Variants in PAQR3 observed in about 807,000 individuals in gnomAD.
The protein encoded by PAQR3 is Raf kinase trapping to Golgi.
PAQR3 carries 39 observed loss-of-function variants against 41.7 expected under a neutral mutation model. That is an observed-to-expected ratio of 0.93 (90% CI 0.72 to 1.22). The LOEUF (loss-of-function observed/expected upper bound fraction) is 1.22. Ranked by LOEUF, PAQR3 falls within the 50% of genes most tolerant of loss-of-function variation. PAQR3 has a pLI of 0.00. For missense variants in PAQR3, 366 were observed against 385.6 expected (o/e 0.95, Z 0.42); for synonymous variants, 140 against 140.6 (o/e 1.00, Z 0.03).
chr4:78,894,173 T>G (rs537471471), intron 11 of PAQR3, among the ~76,000 whole-genome samples: 2 of 152,318 alleles, frequency 1.3e-5, no homozygotes, highest in African/African-American at 4.8e-5. Flanking sequence ...CCTCGAAGTT[T>G]TGGAATGGCA....
chr4:78,899,226 T>C (rs1733872420), intron 11 of PAQR3: 1 of 152,154 alleles, frequency 6.6e-6, no homozygotes, highest in South Asian at 2.1e-4. Context: ...GGGCAGAATA[T>C]ATAGGATTTA....
At chr4:78,929,745 A>AT (rs1282120315) in intron 3 of PAQR3, among the ~76,000 whole-genome samples, 3 of 151,992 alleles carry the variant, frequency 2.0e-5, no homozygotes, top group African/African-American at 4.8e-5. Flanking sequence ...ATTTTCCTGT[A>AT]TTTTTTTTCA....
At chr4:78,899,786 G>A (rs1057346730) in intron 11 of PAQR3, among the ~76,000 whole-genome samples, 2 of 152,086 alleles carry the variant, frequency 1.3e-5, no homozygotes, top group Admixed American at 6.6e-5. Context: ...AAAATAATGC[G>A]GTTGGAATCC....
chr4:78,906,417 G>C (rs556074999), intron 10 of PAQR3, among the ~76,000 whole-genome samples: 37 of 152,204 alleles, frequency 2.4e-4, no homozygotes, highest in African/African-American at 6.3e-4. Context: ...TTCCCCAGTT[G>C]CCCGTACTAT....
intron 1 of PAQR3, among the ~76,000 whole-genome samples, chr4:78,936,198 T>C (rs1737413189): frequency 6.6e-6 from 1 of 152,228 alleles, no homozygotes; most frequent in African/African-American, 2.4e-5. Context: ...GTTCTCCAGA[T>C]GTAGATAGGA....
At position 78,916,458 on chromosome 4, in the gene PAQR3, C is replaced by T. The variant is rs902434204; in HGVS notation, c.*4081G>A. ...TCAGTTATTTCATTCACACCACAAA[C>T]ATTAAGCACCTATTATGTAGCAGCT... On this transcript the variant is annotated 3_prime_UTR_variant, in exon 6 of 6. Transcript: ENST00000512733. 1 of 151,866 alleles carries T rather than the reference C, an allele frequency of 6.6e-6. No homozygotes were observed. Among genetic ancestry groups the T allele is most frequent in the Non-Finnish European group, 1.5e-5 (1 of 67,860 alleles). 9.4% of individuals were successfully genotyped at this position (151,866 alleles called of 1,614,324 possible). A position where few individuals can be genotyped will look rare whatever the true frequency, so the allele number is the denominator to read the frequency against.
At chr4:78,923,094 A>T in intron 5 of PAQR3, 1 of 398,710 alleles carries the variant, frequency 2.5e-6, no homozygotes, top group Admixed American at 3.0e-5. Flanking sequence ...GCCTAAAGCC[A>T]GCTTTGTCAC....
intron 1 of PAQR3, among the ~76,000 whole-genome samples, chr4:78,938,015 G>A (rs1307077259): frequency 6.6e-6 from 1 of 152,216 alleles, no homozygotes. Flanking sequence ...GCCAAGTAGG[G>A]ATGGGCAGTG....
rs1421608557 is a variant in PAQR3 at position 78,914,554 on chromosome 4, G to T, written c.*5985C>A. ...GTCACTCCACACAGCTGATGCTCAG[G>T]TTATTCCCTTGTGAGAATTATGAGA... On this transcript the variant is annotated 3_prime_UTR_variant, in exon 6 of 6. Coordinates refer to ENST00000512733, the MANE Select transcript of PAQR3 (RefSeq NM_001040202.2). 6.6e-6 allele frequency: 1 copy of T among 151,544 alleles called. No homozygotes were observed. The highest frequency in any genetic ancestry group is 1.9e-4 in the East Asian group (1 of 5,164). The allele number at this position is 151,544 out of a possible 1,614,324, so 9.4% of individuals were successfully genotyped here. A position where few individuals can be genotyped will look rare whatever the true frequency, so the allele number is the denominator to read the frequency against.
At chr4:78,938,757 A>G (rs1737709469) in intron 1 of PAQR3, among the ~76,000 whole-genome samples, 2 of 152,120 alleles carry the variant, frequency 1.3e-5, no homozygotes, top group African/African-American at 4.8e-5. Flanking sequence ...AATGAGCCGA[A>G]CAAACCGAAT....
intron 5 of PAQR3, chr4:78,921,966 G>A: frequency 1.0e-6 from 1 of 984,322 alleles, no homozygotes; most frequent in Non-Finnish European, 1.2e-6. Flanking sequence ...GTTTATATAT[G>A]TCCTATATTA....
Position 78,918,727 on chromosome 4 carries a change from T to C in PAQR3, c.*1812A>G. The C allele has an allele frequency of 2.1e-6, 2 of 973,392 alleles. No homozygotes were observed. The highest frequency in any genetic ancestry group is 2.4e-6 in the Non-Finnish European group (2 of 819,132). 60.3% of individuals were successfully genotyped at this position (973,392 alleles called of 1,614,324 possible). A position where few individuals can be genotyped will look rare whatever the true frequency, so the allele number is the denominator to read the frequency against. The stretch of plus-strand genomic sequence containing the variant: ...TTTTTATTTTGAGAAAGTTTTATAA[T>C]AAAAATGGCTCCACACCTAAAATAA... On this transcript the variant is annotated 3_prime_UTR_variant, in exon 6 of 6. Coordinates refer to ENST00000512733, the MANE Select transcript of PAQR3 (RefSeq NM_001040202.2).
rs1735399298 is a variant in PAQR3, at chr4:78,919,157, T to C, written c.*1382A>G. 6.1e-6 allele frequency: 6 copies of C among 985,058 alleles called. No individual in the cohort carries two copies. Among genetic ancestry groups the C allele is most frequent in the Non-Finnish European group, 7.2e-6 (6 of 829,798 alleles). The allele number at this position is 985,058 out of a possible 1,614,324, so 61.0% of individuals were successfully genotyped here. A position where few individuals can be genotyped will look rare whatever the true frequency, so the allele number is the denominator to read the frequency against. ...CATTAGTGACTTTCCAAGTATCATA[T>C]GCACAAAAGGCATTTTGGGAATAAG... On this transcript the variant is annotated 3_prime_UTR_variant, in exon 6 of 6. Transcript: ENST00000512733.
intron 10 of PAQR3, among the ~76,000 whole-genome samples, chr4:78,906,396 CA>C (rs1475886257): frequency 3.3e-5 from 5 of 151,992 alleles, no homozygotes; most frequent in African/African-American, 1.2e-4. Flanking sequence ...CTATCTACAC[CA>C]ACAGAAAATT....
chr4:78,932,371 T>C (rs2110164627), intron 2 of PAQR3, among the ~76,000 whole-genome samples: 1 of 152,266 alleles, frequency 6.6e-6, no homozygotes, highest in Non-Finnish European at 1.5e-5. Context: ...AACATAAAAG[T>C]GTATATTTCT....
chr4:78,899,415 G>A (rs866936701), intron 11 of PAQR3, among the ~76,000 whole-genome samples: 12 of 152,234 alleles, frequency 7.9e-5, no homozygotes, highest in Middle Eastern at 3.4e-3. Flanking sequence ...TAGGGGCACT[G>A]GAATCTTTTT....
intron 11 of PAQR3, among the ~76,000 whole-genome samples, chr4:78,897,326 C>T (rs1399788942): frequency 6.6e-6 from 1 of 151,418 alleles, no homozygotes; most frequent in East Asian, 1.9e-4. Context: ...CCTAAATATC[C>T]AATATTAGGT....
rs796994966 is a variant in PAQR3, at chr4:78,912,558, C to G, written c.*7981G>C. 9 of 152,396 alleles carry G rather than the reference C, an allele frequency of 5.9e-5. No individual in the cohort carries two copies. The highest frequency in any genetic ancestry group is 1.3e-4 in the Admixed American group (2 of 15,296). The allele number at this position is 152,396 out of a possible 1,614,324, so 9.4% of individuals were successfully genotyped here. On this transcript the variant is annotated 3_prime_UTR_variant, in exon 6 of 6. Transcript: ENST00000512733. ...AGTGCAGAGATTTCAGTCCATACAC[C>G]TTTCTCCACAAAGCAGAGCCAGAAG...
chr4:78,911,137 T>G, downstream of PAQR3: 1 of 1,613,992 alleles, frequency 6.2e-7, no homozygotes. Context: ...TGTCCCCTTC[T>G]TTGCAGTGCG....
Sources: gnomAD v4.1 joint callset for allele counts (sites outside exome capture counted in the v4.1 genomes callset) on GRCh38, gnomAD v4.1.1 for gene constraint, MANE v1.5 for transcripts, NCBI Gene and HGNC (gene_info 2026-07-23, HGNC 2026-07-21) for gene names.